The following ZFHX4 variants were observed in gnomAD, a reference collection of about 807,000 sequenced individuals.
The protein encoded by ZFHX4 is zinc finger homeobox protein 4.
ZFHX4 carries 56 observed loss-of-function variants against 267.6 expected under a neutral mutation model. That is an observed-to-expected ratio of 0.21 (90% confidence interval 0.17 to 0.26). The LOEUF (loss-of-function observed/expected upper bound fraction) is 0.26. Among genes scored for constraint, ZFHX4 ranks in the 10% least tolerant of loss-of-function variants. The probability of loss-of-function intolerance (pLI) is 1.00; values close to 1 mark genes in which losing one functional copy is unlikely to be tolerated. For synonymous variants in ZFHX4, 1,778 were observed against 1,665.6 expected, an observed-to-expected ratio of 1.07 and a Z score of -1.64; for missense variants, 4,332 against 4,420.0, an observed-to-expected ratio of 0.98 and a Z score of 0.56.
chr8:76,864,516 G>T lies in ZFHX4; in HGVS notation c.10802G>T (p.Gly3601Val). 1 of 1,612,518 alleles carries T rather than the reference G, an allele frequency of 6.2e-7. No homozygotes were observed. Among genetic ancestry groups the T allele is most frequent in the Non-Finnish European group, 8.5e-7 (1 of 1,179,308 alleles). Residue 3601 changes from glycine to valine, a missense_variant, in exon 11 of 11, where the codon GGC becomes GTC. By Grantham distance (109) the Gly-to-Val change is moderately radical. Coordinates refer to ENST00000651372, the MANE Select transcript of ZFHX4 (RefSeq NM_024721.5). ...GAAGTGAAGGCTAAGCCTGCTTCTG[G>T]CCTAGATGGTAATTTCAATAGCATC... is the stretch of plus-strand genomic sequence containing the variant. ...SLEVKAKPAS[G>V]LDGNFNSIRM...
intron 3 of ZFHX4, among the ~76,000 whole-genome samples, chr8:76,762,597 C>T (rs1809944583): frequency 6.6e-6 from 1 of 152,044 alleles, no homozygotes; most frequent in African/African-American, 2.4e-5. Flanking sequence ...AAGTGTGCTA[C>T]CCCAAATTTT....
chr8:76,854,398 T>C lies in ZFHX4; in HGVS notation c.7477T>C (p.Tyr2493His). ...CAGTCTACCTCCACAGTTACTACAA[T>C]ACCAATGTGATCAGTGTACAGTTGC... ...QNSLPPQLLQ[Y>H]QCDQCTVAFP... Residue 2493 changes from tyrosine to histidine, a missense_variant, in exon 10 of 11, where the codon TAC becomes CAC. This residue lies in a region of ZFHX4 where 1,648 missense variants were observed against 1,625.0 expected (regional missense o/e 1.01). Transcript: ENST00000651372. 1 of 1,613,956 alleles carries C rather than the reference T, an allele frequency of 6.2e-7. No individual in the cohort carries two copies. The highest frequency in any genetic ancestry group is 8.5e-7 in the Non-Finnish European group (1 of 1,179,864).
intron 4 of ZFHX4, among the ~76,000 whole-genome samples, chr8:76,795,242 C>A (rs1038059567): frequency 6.6e-6 from 1 of 151,964 alleles, no homozygotes; most frequent in Non-Finnish European, 1.5e-5. Context: ...AAATAGTAAC[C>A]ACAGAAAATA....
chr8:76,684,193 C>T (rs935270950), intron 1 of ZFHX4, among the ~76,000 whole-genome samples: 2 of 151,674 alleles, frequency 1.3e-5, no homozygotes, highest in African/African-American at 4.8e-5. Context: ...TTGGAGTTTT[C>T]CTTTTCCACT....
intron 4 of ZFHX4, among the ~76,000 whole-genome samples, chr8:76,824,874 T>A (rs1167557443): frequency 1.3e-5 from 2 of 152,198 alleles, no homozygotes; most frequent in Non-Finnish European, 2.9e-5. Context: ...GGCCTCACTA[T>A]GATTTTTGTA....
chr8:76,852,113 A>G lies in ZFHX4; in HGVS notation c.5192A>G (p.Gln1731Arg). 1.2e-6 allele frequency: 2 copies of G among 1,613,966 alleles called. No homozygotes were observed. Among genetic ancestry groups the G allele is most frequent in the Non-Finnish European group, 1.7e-6 (2 of 1,179,872 alleles). The change falls in exon 10 of 11, where the codon CAG (glutamine) becomes CGG (arginine). Residue 1731 changes from glutamine to arginine, a missense_variant. Transcript: ENST00000651372. Reference sequence around the variant, plus strand: ...CCTATGACCCCAGAAGCACTGCTGCAGTTTCAGCAGCCTCAGTTTCTCTTT... The same window carrying G: ...CCTATGACCCCAGAAGCACTGCTGCGGTTTCAGCAGCCTCAGTTTCTCTTT... ...HFPMTPEALL[Q>R]FQQPQFLFPF...
chr8:76,788,247 C>T (rs1013061380), intron 4 of ZFHX4, among the ~76,000 whole-genome samples: 6 of 152,130 alleles, frequency 3.9e-5, no homozygotes, highest in Non-Finnish European at 5.9e-5. Context: ...TATGTGTTAT[C>T]CGTATTTCCA....
At chr8:76,695,285 T>C (rs1342800602) in intron 1 of ZFHX4, among the ~76,000 whole-genome samples, 1 of 152,320 alleles carries the variant, frequency 6.6e-6, no homozygotes, top group Non-Finnish European at 1.5e-5. Context: ...GTTTGAATGG[T>C]GTCAAGGAAG....
Position 76,855,658 on chromosome 8 carries a change from T to C in ZFHX4, c.8737T>C (p.Phe2913Leu), listed in dbSNP as rs767633414. ...AGCGGACCCGAGCTCCCCAAATCCATTCGGATCCAGCAATCCCTTTAAATC... is the reference window on the plus strand; with the variant it reads ...AGCGGACCCGAGCTCCCCAAATCCACTCGGATCCAGCAATCCCTTTAAATC... ...SIADPSSPNP[F>L]GSSNPFKSKS... is the part of the protein sequence containing the mutation. Residue 2913 changes from phenylalanine to leucine, a missense_variant, in exon 10 of 11, where the codon TTC becomes CTC. By Grantham distance (22) the Phe-to-Leu change is conservative (BLOSUM62 0). Around this residue, in one of 7 missense-constraint regions of ZFHX4, gnomAD observed 1,648 missense variants for 1,625.0 expected, o/e 1.01. Transcript: ENST00000651372. 1 of 1,613,866 alleles carries C rather than the reference T, an allele frequency of 6.2e-7. No individual in the cohort carries two copies. Among genetic ancestry groups the C allele is most frequent in the Admixed American group, 1.7e-5 (1 of 60,014 alleles).
In ZFHX4 at chr8:76,681,559, T is replaced by G. The variant is rs1807530361; in HGVS notation, c.-108T>G. ...TTACTTGGATGTGATCAGCTGTAAGTAAAATAAAAGCAAAACAAAAAAGAG... is the reference window on the plus strand; with the variant it reads ...TTACTTGGATGTGATCAGCTGTAAGGAAAATAAAAGCAAAACAAAAAAGAG... On this transcript the variant is annotated 5_prime_UTR_variant, in exon 1 of 11. Coordinates refer to ENST00000651372, the MANE Select transcript of ZFHX4 (RefSeq NM_024721.5). 5.0e-6 allele frequency: 2 copies of G among 398,362 alleles called. No individual in the cohort carries two copies. The highest frequency in any genetic ancestry group is 2.5e-4 in the South Asian group (2 of 7,852). The allele number at this position is 398,362 out of a possible 1,614,324, so 24.7% of individuals were successfully genotyped here. A position where few individuals can be genotyped will look rare whatever the true frequency, so the allele number is the denominator to read the frequency against.
At chr8:76,767,066 TG>T (rs1810071009) in intron 3 of ZFHX4, among the ~76,000 whole-genome samples, 1 of 151,968 alleles carries the variant, frequency 6.6e-6, no homozygotes, top group Admixed American at 6.6e-5. Flanking sequence ...TGTGTGTGTG[TG>T]TGTGTGTATG....
At chr8:76,789,898 G>T (rs554804980) in intron 4 of ZFHX4, among the ~76,000 whole-genome samples, 37 of 152,072 alleles carry the variant, frequency 2.4e-4, no homozygotes, top group African/African-American at 8.2e-4. Context: ...GAGATTTTAC[G>T]GTTTGCTCTG....
chr8:76,754,176 G>T (rs969800477), intron 3 of ZFHX4, among the ~76,000 whole-genome samples: 1 of 152,052 alleles, frequency 6.6e-6, no homozygotes, highest in Non-Finnish European at 1.5e-5. Flanking sequence ...TTATTTACTT[G>T]TGATAAATTT....
At chr8:76,795,221 A>G (rs939705739) in intron 4 of ZFHX4, among the ~76,000 whole-genome samples, 1 of 152,188 alleles carries the variant, frequency 6.6e-6, no homozygotes, top group African/African-American at 2.4e-5. Context: ...TTGACAATAT[A>G]GGAAAAAGTA....
intron 3 of ZFHX4, among the ~76,000 whole-genome samples, chr8:76,722,783 C>T (rs557714017): frequency 2.3e-4 from 35 of 152,098 alleles, no homozygotes; most frequent in Admixed American, 8.5e-4. Flanking sequence ...CTTGTCAGTA[C>T]ATCCACTCTA....
intron 4 of ZFHX4, among the ~76,000 whole-genome samples, chr8:76,808,306 A>T (rs1372793275): frequency 2.0e-5 from 3 of 152,126 alleles, no homozygotes; most frequent in African/African-American, 7.2e-5. Context: ...TCACCCAAAT[A>T]ATCTATCTAA....
At chr8:76,856,783 T>C (rs954380276) in intron 10 of ZFHX4, among the ~76,000 whole-genome samples, 1 of 152,174 alleles carries the variant, frequency 6.6e-6, no homozygotes, top group Non-Finnish European at 1.5e-5. Flanking sequence ...AGTTCAAAAG[T>C]TGAGTCCTTC....
chr8:76,793,938 T>C (rs764216627), intron 4 of ZFHX4, among the ~76,000 whole-genome samples: 3 of 152,196 alleles, frequency 2.0e-5, no homozygotes, highest in Non-Finnish European at 4.4e-5. Flanking sequence ...GTTGAAGTAA[T>C]TAATGCACTC....
rs374431158 is a variant in ZFHX4 at position 76,863,966 on chromosome 8, G to A, written c.10252G>A (p.Ala3418Thr). ...GATGATGTTTACTGATGAAGACGCCGCAGTAAATCATCAAAAGTCCTTCTG... is the reference window on the plus strand; with the variant it reads ...GATGATGTTTACTGATGAAGACGCCACAGTAAATCATCAAAAGTCCTTCTG... ...CQMMFTDEDA[A>T]VNHQKSFCYF... Residue 3418 changes from alanine (A) to threonine (T), a missense_variant, in exon 11 of 11, where the codon GCA becomes ACA. Physicochemically the swap from Ala to Thr is moderately conservative, Grantham distance 58. Coordinates refer to ENST00000651372, the MANE Select transcript of ZFHX4 (RefSeq NM_024721.5). The A allele has an allele frequency of 3.3e-5, 53 of 1,611,736 alleles. No homozygotes were observed. The highest frequency in any genetic ancestry group is 1.6e-4 in the African/African-American group (12 of 75,008).
Sources: allele counts gnomAD v4.1 joint callset (sites outside exome capture counted in the v4.1 genomes callset), GRCh38; gene constraint gnomAD v4.1.1; regional missense constraint gnomAD v4.1.1; transcripts MANE v1.5; gene names NCBI Gene and HGNC (gene_info 2026-07-23, HGNC 2026-07-21).